FANCC: variants seen among roughly 807,000 people sequenced by gnomAD.
FANCC encodes Fanconi anemia group C protein.
FANCC carries 55 observed loss-of-function variants against 71.3 expected under a neutral mutation model. That is an observed-to-expected ratio of 0.77 (90% CI 0.62 to 0.97). The LOEUF (loss-of-function observed/expected upper bound fraction) is 0.97. Ranked by LOEUF, FANCC falls within the 50% of genes least tolerant of loss-of-function variation. FANCC has a pLI of 0.00. For missense variants in FANCC, 678 were observed against 670.9 expected, an observed-to-expected ratio of 1.01 and a Z score of -0.12; for synonymous variants, 275 against 244.9, an observed-to-expected ratio of 1.12 and a Z score of -1.15.
At chr9:95,202,192 G>A (rs1475325495) in intron 4 of FANCC, among the ~76,000 whole-genome samples, 1 of 152,220 alleles carries the variant, frequency 6.6e-6, no homozygotes, top group South Asian at 2.1e-4. Context: ...CATGTGACCG[G>A]AGACTAAAAG....
chr9:95,292,875 A>G (rs1834137070), intron 1 of FANCC: 2 of 1,586,154 alleles, frequency 1.3e-6, no homozygotes, highest in Non-Finnish European at 1.7e-6. Flanking sequence ...ATGGGACCTG[A>G]AAAGACTTGC....
chr9:95,264,365 T>C (rs1156527677), intron 1 of FANCC, among the ~76,000 whole-genome samples: 3 of 152,180 alleles, frequency 2.0e-5, no homozygotes, highest in Admixed American at 6.5e-5. Context: ...ATAAAACAGA[T>C]AAAATTCTGA....
At chr9:95,202,708 A>G (rs1827877062) in intron 4 of FANCC, among the ~76,000 whole-genome samples, 1 of 152,264 alleles carries the variant, frequency 6.6e-6, no homozygotes, top group Admixed American at 6.5e-5. Flanking sequence ...AAAGTGTGAA[A>G]TAAGAATAAA....
At chr9:95,141,311 C>CAAAAA (rs66627467) in intron 7 of FANCC, among the ~76,000 whole-genome samples, 1 of 54,880 alleles carries the variant, frequency 1.8e-5, no homozygotes, top group Non-Finnish European at 3.0e-5. Context: ...GACCCTGTCT[C>CAAAAA]AAAAAAAAAA....
chr9:95,111,475 T>C lies in FANCC; in HGVS notation c.1317A>G (p.Arg439=), dbSNP rs1554829450. 2.5e-6 allele frequency: 4 copies of C among 1,613,244 alleles called. No individual in the cohort carries two copies. The highest frequency in any genetic ancestry group is 2.5e-6 in the Non-Finnish European group (3 of 1,179,990). The change falls in exon 13 of 15, where the codon AGA becomes AGG. Residue 439 remains arginine (R), a synonymous_variant. Coordinates refer to ENST00000289081, the MANE Select transcript of FANCC (RefSeq NM_000136.3). ...GCCTGCTACCCACCATAGTCTGTGC[T>C]CTCTGCTGCCTCCCATCACGGGGGC... The part of the protein sequence containing the change: ...YYGPRDGRQQ[R]AQTMVQVKAV...
chr9:95,219,845 A>T (rs909144515), intron 4 of FANCC, among the ~76,000 whole-genome samples: 11 of 152,226 alleles, frequency 7.2e-5, no homozygotes, highest in African/African-American at 1.7e-4. Flanking sequence ...CAATGGCAAC[A>T]AAAGCCAAAA....
At chr9:95,248,219 G>A (rs1201957126) in intron 2 of FANCC, among the ~76,000 whole-genome samples, 1 of 152,030 alleles carries the variant, frequency 6.6e-6, no homozygotes, top group Non-Finnish European at 1.5e-5. Flanking sequence ...AAAAATAAAA[G>A]CAAACTAGGA....
intron 4 of FANCC, among the ~76,000 whole-genome samples, chr9:95,231,585 A>G (rs1218478420): frequency 6.6e-6 from 1 of 152,096 alleles, no homozygotes; most frequent in East Asian, 1.9e-4. Context: ...CACCATTCAA[A>G]TTGTCTACAA....
Position 95,100,637 on chromosome 9 carries a change from A to G in FANCC, c.*1070T>C, listed in dbSNP as rs1018763185. ...TGTTAACCTTGAGATTACACTAACAATGCCTTTTTTTAAGAGATGGTCTCG... is the reference window on the plus strand; with the variant it reads ...TGTTAACCTTGAGATTACACTAACAGTGCCTTTTTTTAAGAGATGGTCTCG... On this transcript the variant is annotated 3_prime_UTR_variant, in exon 15 of 15. Coordinates refer to ENST00000289081, the MANE Select transcript of FANCC (RefSeq NM_000136.3). 1.3e-5 allele frequency: 3 copies of G among 229,172 alleles called. No individual in the cohort carries two copies. Among genetic ancestry groups the G allele is most frequent in the African/African-American group, 6.6e-5 (3 of 45,144 alleles). The allele number at this position is 229,172 out of a possible 1,614,324, so 14.2% of individuals were successfully genotyped here. A position where few individuals can be genotyped will look rare whatever the true frequency, so the allele number is the denominator to read the frequency against.
intron 4 of FANCC, among the ~76,000 whole-genome samples, chr9:95,200,803 A>G (rs574102864): frequency 6.6e-6 from 1 of 152,344 alleles, no homozygotes; most frequent in East Asian, 1.9e-4. Context: ...AGCGGATGAC[A>G]TATAAATAAC....
intron 1 of FANCC, among the ~76,000 whole-genome samples, chr9:95,298,011 A>G (rs1441099950): frequency 6.6e-6 from 1 of 152,212 alleles, no homozygotes; most frequent in Admixed American, 6.5e-5. Context: ...TTTTAGCATT[A>G]AAGTGATATA....
chr9:95,148,674 A>C (rs1176740086), intron 7 of FANCC, among the ~76,000 whole-genome samples: 1 of 152,202 alleles, frequency 6.6e-6, no homozygotes. Context: ...TAACTCAATG[A>C]ATGAAGATTT....
Position 95,241,502 on chromosome 9 carries a change from T to G in FANCC, c.251-759A>C, listed in dbSNP as rs1487080606. Among the ~76,000 whole-genome samples, 4 of 152,202 alleles carry G rather than the reference T, an allele frequency of 2.6e-5. No homozygotes were observed. In the South Asian group the frequency reaches 6.2e-4, roughly 24 times the overall value. On this transcript the variant is annotated intron_variant, in intron 3 of 14. Transcript: ENST00000289081. The stretch of plus-strand genomic sequence containing the variant: ...TCCAGCGGATGATTTTATAACACAA[T>G]TAAGAAACAAAAATGGGGCCTAGAA...
rs766173332 is a variant in FANCC, at chr9:95,249,258, A to T, written c.34T>A (p.Tyr12Asn). ...GAAAGCTTCTGCATCCAAAACTGAT[A>T]ATCACAAGAAAGATCTACTGAATCT... The part of the protein sequence containing the change: ...AQDSVDLSCD[Y>N]QFWMQKLSVW... Residue 12 changes from tyrosine (Y) to asparagine (N), a missense_variant, in exon 2 of 15, where the codon TAT becomes AAT. Transcript: ENST00000289081. 1.9e-5 allele frequency: 31 copies of T among 1,614,160 alleles called. No individual in the cohort carries two copies. Among genetic ancestry groups the T allele is most frequent in the Non-Finnish European group, 2.6e-5 (31 of 1,180,020 alleles).
chr9:95,197,828 T>C (rs1392485381), intron 4 of FANCC, among the ~76,000 whole-genome samples: 2 of 152,060 alleles, frequency 1.3e-5, no homozygotes, highest in African/African-American at 2.4e-5. Context: ...AGAAACAAAG[T>C]CTCAAGCCTG....
chr9:95,205,569 A>G (rs958732156), intron 4 of FANCC, among the ~76,000 whole-genome samples: 28 of 152,100 alleles, frequency 1.8e-4, no homozygotes, highest in Non-Finnish European at 2.8e-4. Context: ...CTTTAAAAAA[A>G]AAAAACACTT....
intron 4 of FANCC, among the ~76,000 whole-genome samples, chr9:95,205,366 G>A (rs979976845): frequency 2.6e-5 from 4 of 151,930 alleles, no homozygotes; most frequent in African/African-American, 9.7e-5. Flanking sequence ...CAGCTAAGAT[G>A]TCATATTTTA....
At chr9:95,130,796 A>G (rs371339748) in intron 8 of FANCC, among the ~76,000 whole-genome samples, 2 of 152,192 alleles carry the variant, frequency 1.3e-5, no homozygotes, top group South Asian at 4.1e-4. Flanking sequence ...GATTCTCCAT[A>G]AGAGTCATTT....
intron 4 of FANCC, among the ~76,000 whole-genome samples, chr9:95,205,456 C>T (rs1415020637): frequency 2.0e-5 from 3 of 151,796 alleles, no homozygotes; most frequent in African/African-American, 7.3e-5. Context: ...AGCAACAAGA[C>T]AGCATCCCTT....
Sources: gnomAD v4.1 joint callset for allele counts (sites outside exome capture counted in the v4.1 genomes callset) on GRCh38, gnomAD v4.1.1 for gene constraint, MANE v1.5 for transcripts, NCBI Gene and HGNC (gene_info 2026-07-23, HGNC 2026-07-21) for gene names.